The following EPHA6 variants were observed in gnomAD, a reference collection of about 807,000 sequenced individuals.
EPHA6 encodes EPH receptor A6, also known as ephrin type-A receptor 6.
Under a neutral mutation model 112.0 loss-of-function variants are expected in EPHA6, and 50 were observed. The observed-to-expected ratio is 0.45, with a 90% CI of 0.36 to 0.56. EPHA6 has a LOEUF of 0.56. EPHA6 is among the 20% of genes least tolerant of loss of function. The pLI, the probability that EPHA6 is intolerant of heterozygous loss-of-function variation, is 0.00. For synonymous variants in EPHA6, 529 were observed against 490.7 expected (o/e 1.08, Z -1.03); for missense variants, 1,280 against 1,417.4 (o/e 0.90, Z 1.56).
At chr3:96,957,748 C>A (rs1366072129) in intron 2 of EPHA6, among the ~76,000 whole-genome samples, 1 of 152,160 alleles carries the variant, frequency 6.6e-6, no homozygotes, top group Non-Finnish European at 1.5e-5. Flanking sequence ...TGACCCATGA[C>A]CCACATGTAT....
chr3:97,245,975 T>A (rs2078976735), intron 5 of EPHA6, among the ~76,000 whole-genome samples: 1 of 152,014 alleles, frequency 6.6e-6, no homozygotes, highest in South Asian at 2.1e-4. Flanking sequence ...CAAAGCCATA[T>A]AATATTGTAC....
chr3:97,459,819 A>G (rs991894), intron 7 of EPHA6, among the ~76,000 whole-genome samples: 2,412 of 152,298 alleles, frequency 0.016, 63 homozygotes, highest in African/African-American at 0.052. Flanking sequence ...AACCTTGGGA[A>G]TCATCAATTT....
chr3:97,086,158 C>T (rs2046894088), intron 3 of EPHA6, among the ~76,000 whole-genome samples: 1 of 151,790 alleles, frequency 6.6e-6, no homozygotes, highest in Admixed American at 6.6e-5. Flanking sequence ...TGGTCTGGAA[C>T]TCCTGACCTC....
At chr3:97,513,594 G>A (rs904786214) in intron 10 of EPHA6, among the ~76,000 whole-genome samples, 1 of 150,388 alleles carries the variant, frequency 6.6e-6, no homozygotes, top group Non-Finnish European at 1.5e-5. Context: ...CATACCACAT[G>A]ATCTCACTCA....
At chr3:97,000,614 T>C (rs929662947) in intron 3 of EPHA6, among the ~76,000 whole-genome samples, 1 of 151,686 alleles carries the variant, frequency 6.6e-6, no homozygotes, top group African/African-American at 2.4e-5. Context: ...GTAGAGCATA[T>C]ATGTATCCAA....
chr3:97,638,125 A>G (rs747152246), intron 14 of EPHA6, 43 bp downstream of exon 14: 3 of 1,398,486 alleles, frequency 2.1e-6, no homozygotes, highest in Non-Finnish European at 3.0e-6. Flanking sequence ...GTTTACTTTT[A>G]TTGTTTTTAA....
chr3:96,900,849 C>T (rs2038567118), intron 2 of EPHA6, among the ~76,000 whole-genome samples: 1 of 152,212 alleles, frequency 6.6e-6, no homozygotes, highest in Non-Finnish European at 1.5e-5. Flanking sequence ...TGATTAATGG[C>T]ATCGTTACTG....
chr3:97,736,421 G>T (rs568932512), intron 16 of EPHA6, among the ~76,000 whole-genome samples: 1 of 149,560 alleles, frequency 6.7e-6, no homozygotes, highest in East Asian at 2.0e-4. Context: ...TTTTAAAATT[G>T]ATTGATCCTT....
chr3:97,472,686 A>G (rs2091261986), intron 7 of EPHA6, among the ~76,000 whole-genome samples: 1 of 151,828 alleles, frequency 6.6e-6, no homozygotes, highest in Admixed American at 6.6e-5. Flanking sequence ...ATTTTGTTGC[A>G]GCCTGCATGG....
chr3:97,585,544 T>C (rs1331954519), intron 11 of EPHA6, among the ~76,000 whole-genome samples: 1 of 152,208 alleles, frequency 6.6e-6, no homozygotes, highest in Non-Finnish European at 1.5e-5. Flanking sequence ...AATACATTTA[T>C]TGTGTCCTAT....
intron 14 of EPHA6, among the ~76,000 whole-genome samples, chr3:97,711,425 A>G (rs914660858): frequency 2.0e-5 from 3 of 151,950 alleles, no homozygotes; most frequent in Admixed American, 6.5e-5. Context: ...ATATATATAT[A>G]TAATTATGGG....
At chr3:97,139,546 AT>A (rs2075846488) in intron 3 of EPHA6, among the ~76,000 whole-genome samples, 1 of 152,178 alleles carries the variant, frequency 6.6e-6, no homozygotes, top group Non-Finnish European at 1.5e-5. Flanking sequence ...AATAACCAGC[AT>A]TTGAGAAAGC....
intron 5 of EPHA6, among the ~76,000 whole-genome samples, chr3:97,268,837 T>C (rs2079784260): frequency 1.3e-5 from 2 of 152,202 alleles, no homozygotes; most frequent in African/African-American, 4.8e-5. Flanking sequence ...ATATTACTGA[T>C]AGTTTCTTAG....
intron 9 of EPHA6, among the ~76,000 whole-genome samples, chr3:97,480,952 C>T (rs1255322561): frequency 1.3e-5 from 2 of 151,398 alleles, no homozygotes; most frequent in African/African-American, 2.4e-5. Context: ...ACTTCCTAGA[C>T]GGGATGGCGG....
At chr3:97,359,413 A>G (rs1013995815) in intron 5 of EPHA6, among the ~76,000 whole-genome samples, 4 of 149,374 alleles carry the variant, frequency 2.7e-5, no homozygotes, top group Non-Finnish European at 3.0e-5. Flanking sequence ...AGCATTTTTT[A>G]AAATTACTTT....
chr3:97,714,796 A>G (rs1413064673), intron 14 of EPHA6, among the ~76,000 whole-genome samples: 2 of 152,172 alleles, frequency 1.3e-5, no homozygotes, highest in Non-Finnish European at 2.9e-5. Context: ...AAGCTGCTGA[A>G]ACGAGACCAC....
At chr3:96,815,500 A>C (rs1349794751) in intron 1 of EPHA6, among the ~76,000 whole-genome samples, 1 of 152,014 alleles carries the variant, frequency 6.6e-6, no homozygotes, top group Non-Finnish European at 1.5e-5. Context: ...CTCAGTCCCC[A>C]TGCTTCATCT....
chr3:97,442,933 A>G (rs2090188956), intron 6 of EPHA6, among the ~76,000 whole-genome samples: 1 of 152,118 alleles, frequency 6.6e-6, no homozygotes, highest in Non-Finnish European at 1.5e-5. Context: ...CTTTCATTCA[A>G]GTAAAAGACT....
intron 5 of EPHA6, among the ~76,000 whole-genome samples, chr3:97,365,374 A>G (rs2084656508): frequency 6.6e-6 from 1 of 152,028 alleles, no homozygotes; most frequent in African/African-American, 2.4e-5. Flanking sequence ...TTAAAATATT[A>G]TGACAGGAAA....
Sources: gnomAD v4.1 joint callset for allele counts (sites outside exome capture counted in the v4.1 genomes callset) on GRCh38, gnomAD v4.1.1 for gene constraint, MANE v1.5 for transcripts, NCBI Gene and HGNC (gene_info 2026-07-23, HGNC 2026-07-21) for gene names.